Variants in IL17RA observed in about 807,000 individuals in gnomAD.
The protein encoded by IL17RA is interleukin 17 receptor A.
In IL17RA, 34 loss-of-function variants were observed where a neutral mutation model predicts 50.4. The observed-to-expected ratio is 0.67, with a 90% CI of 0.51 to 0.90. The LOEUF is 0.90. Ranked by LOEUF, IL17RA falls within the 40% of genes least tolerant of loss-of-function variation. IL17RA has a pLI of 0.00. For synonymous variants in IL17RA, 585 were observed against 510.4 expected (o/e 1.15, Z -1.97); for missense variants, 1,276 against 1,169.8 (o/e 1.09, Z -1.32).
rs552064376 is a variant in IL17RA, at chr22:17,100,147, A to G, written c.424-208A>G. Among the ~76,000 whole-genome samples the G allele has an allele frequency of 1.1e-4, 17 of 150,382 alleles. No homozygotes were observed. In the South Asian group the frequency reaches 2.9e-3, roughly 26 times the overall value. On this transcript the variant is annotated intron_variant, in intron 4 of 12. Coordinates refer to ENST00000319363, the MANE Select transcript of IL17RA (RefSeq NM_014339.7). ...ATGAGGCCAGATCCAGGTTTAAAAA[A>G]AAAAAAAAAAAAAACAGGCAGAAAG... is the stretch of plus-strand genomic sequence containing the variant.
chr22:17,098,256 G>A (rs1197029600), intron 3 of IL17RA, among the ~76,000 whole-genome samples: 3 of 152,176 alleles, frequency 2.0e-5, no homozygotes, highest in Admixed American at 1.3e-4. Flanking sequence ...GTGGAAAATG[G>A]TAACACATTT....
intron 12 of IL17RA, 97 bp from the exon 13 acceptor site, chr22:17,108,210 G>C (rs2061421799): frequency 1.7e-5 from 22 of 1,286,326 alleles, no homozygotes; most frequent in Non-Finnish European, 2.3e-5. Context: ...AGGGAGCCAA[G>C]CTCTGTGTCC....
chr22:17,094,703 A>ATATATATATATATATATG (rs1169514026), intron 1 of IL17RA, among the ~76,000 whole-genome samples: 3 of 65,860 alleles, frequency 4.6e-5, no homozygotes, highest in South Asian at 4.8e-4. Context: ...ATATATATAT[A>ATATATATATATATATATG]TATATATATA....
intron 9 of IL17RA, among the ~76,000 whole-genome samples, chr22:17,105,352 G>A (rs1216198869): frequency 6.6e-6 from 1 of 152,220 alleles, no homozygotes; most frequent in Non-Finnish European, 1.5e-5. Context: ...GCAAGGCGCA[G>A]GCATGGAGCC....
rs1256562833 is a variant in IL17RA, at chr22:17,085,272, G to A, written c.138+43G>A. The A allele has an allele frequency of 2.6e-6, 4 of 1,534,358 alleles. No individual in the cohort carries two copies. In the African/African-American group the frequency reaches 5.5e-5, roughly 21 times the overall value. On this transcript the variant is annotated intron_variant, in intron 1 of 12. Transcript: ENST00000319363. ...GAGCGGTAGCCGCCAGGATGCTGCGGACGCGGGGCAAGGTCGCGGAGGGCC... is the reference window on the plus strand; with the variant it reads ...GAGCGGTAGCCGCCAGGATGCTGCGAACGCGGGGCAAGGTCGCGGAGGGCC...
At chr22:17,103,890 G>C (rs1172953592) in intron 8 of IL17RA, among the ~76,000 whole-genome samples, 3 of 128,552 alleles carry the variant, frequency 2.3e-5, no homozygotes, top group Non-Finnish European at 4.9e-5. Context: ...TGGGAGTGGG[G>C]AGCGTGCACA....
chr22:17,105,719 G>A, intron 10 of IL17RA, 117 bp downstream of exon 10: 1 of 1,371,374 alleles, frequency 7.3e-7, no homozygotes, highest in Non-Finnish European at 1.0e-6. Context: ...CCAGCCCGGG[G>A]TGGGGGGTGA....
At chr22:17,105,671 G>A in intron 10 of IL17RA, 69 bp downstream of exon 10, 1 of 1,566,220 alleles carries the variant, frequency 6.4e-7, no homozygotes, top group South Asian at 1.1e-5. Flanking sequence ...CACTTGAGAA[G>A]TCCCTGCCTC....
intron 1 of IL17RA, among the ~76,000 whole-genome samples, chr22:17,091,973 T>A (rs936850358): frequency 1.3e-5 from 2 of 152,198 alleles, no homozygotes; most frequent in African/African-American, 2.4e-5. Flanking sequence ...TAATGATTCA[T>A]TGGTGGCTGG....
chr22:17,109,367 C>T lies in IL17RA; in HGVS notation c.2148C>T (p.Val716=), dbSNP rs760563850. 3 of 1,609,510 alleles carry T rather than the reference C, an allele frequency of 1.9e-6. No homozygotes were observed. The highest frequency in any genetic ancestry group is 2.2e-5 in the South Asian group (2 of 90,612). ...GCCCGGGCGCTGGGCGAAATAGCGTCCTCTTCCTCCCCGTGGACCCCGAGG... is the reference window on the plus strand; with the variant it reads ...GCCCGGGCGCTGGGCGAAATAGCGTTCTCTTCCTCCCCGTGGACCCCGAGG... The part of the protein sequence containing the change: ...LGSPGAGRNS[V]LFLPVDPEDS... Residue 716 remains valine, a synonymous_variant, in exon 13 of 13, where the codon GTC becomes GTT. Transcript: ENST00000319363.
chr22:17,108,503 G>C lies in IL17RA; in HGVS notation c.1284G>C (p.Trp428Cys). Reference sequence around the variant, plus strand: ...TCTCGGAGGCAGGAGTCATGACCTGGGTGGGCCGTCAGAAGCAGGAGATGG... The same window carrying C: ...TCTCGGAGGCAGGAGTCATGACCTGCGTGGGCCGTCAGAAGCAGGAGATGG... ...QAISEAGVMT[W>C]VGRQKQEMVE... is the part of the protein sequence containing the mutation. The change falls in exon 13 of 13, where the codon TGG (tryptophan) becomes TGC (cysteine). Residue 428 changes from tryptophan (W) to cysteine (C), a missense_variant. Trp to Cys is a radical substitution (Grantham distance 215, BLOSUM62 -2). Coordinates refer to ENST00000319363, the MANE Select transcript of IL17RA (RefSeq NM_014339.7). 6.2e-7 allele frequency: 1 copy of C among 1,612,764 alleles called. No individual in the cohort carries two copies. Among genetic ancestry groups the C allele is most frequent in the Non-Finnish European group, 8.5e-7 (1 of 1,180,024 alleles).
intron 11 of IL17RA, among the ~76,000 whole-genome samples, chr22:17,106,163 C>T (rs1216002445): frequency 5.9e-5 from 9 of 152,314 alleles, no homozygotes; most frequent in African/African-American, 9.6e-5. Context: ...CTGTTAGCCA[C>T]GATTATATTT....
intron 11 of IL17RA, 130 bp downstream of exon 11, chr22:17,106,084 T>C: frequency 1.3e-6 from 1 of 746,526 alleles, no homozygotes; most frequent in South Asian, 1.5e-5. Flanking sequence ...AAAGCTGTTG[T>C]AAGGACTGAG....
At chr22:17,103,269 A>G (rs2061398205) in intron 7 of IL17RA, among the ~76,000 whole-genome samples, 1 of 152,250 alleles carries the variant, frequency 6.6e-6, no homozygotes, top group Admixed American at 6.5e-5. Context: ...AGCCAAAGCA[A>G]AGAGAGACTT....
chr22:17,105,296 G>A (rs956754802), intron 9 of IL17RA, among the ~76,000 whole-genome samples: 1 of 152,142 alleles, frequency 6.6e-6, no homozygotes. Flanking sequence ...TTCAAAAGTC[G>A]CATGCCCTAA....
chr22:17,103,815 C>G (rs1285854700), intron 8 of IL17RA, among the ~76,000 whole-genome samples: 2 of 120,546 alleles, frequency 1.7e-5, no homozygotes, highest in Non-Finnish European at 3.4e-5. Context: ...GGGGAGCGTG[C>G]ACAGGTGGAG....
chr22:17,089,266 T>G (rs1188609286), intron 1 of IL17RA, among the ~76,000 whole-genome samples: 1 of 152,158 alleles, frequency 6.6e-6, no homozygotes, highest in African/African-American at 2.4e-5. Context: ...ATTAAGATCA[T>G]GTATTCTGGA....
chr22:17,089,504 C>A (rs1186143887), intron 1 of IL17RA, among the ~76,000 whole-genome samples: 1 of 152,104 alleles, frequency 6.6e-6, no homozygotes. Context: ...CATGACAATC[C>A]CCCCTCTGAT....
At position 17,101,600 on chromosome 22, in the gene IL17RA, T is replaced by A. The variant is rs140755179; in HGVS notation, c.551-396T>A. ...AGGAGTGAATCTCCTCAGTTCTCGC[T>A]TCTGTTCCTAAAGTTGACTGACTCA... On this transcript the variant is annotated intron_variant, in intron 5 of 12. Transcript: ENST00000319363. Among the ~76,000 whole-genome samples the A allele has an allele frequency of 5.9e-5, 9 of 152,350 alleles. 1 individual carries two copies. In the East Asian group the frequency reaches 1.7e-3, roughly 29 times the overall value.
Sources: allele counts gnomAD v4.1 joint callset (sites outside exome capture counted in the v4.1 genomes callset), GRCh38; gene constraint gnomAD v4.1.1; transcripts MANE v1.5; gene names NCBI Gene and HGNC (gene_info 2026-07-23, HGNC 2026-07-21).